Variants in BRIP1 observed in about 807,000 individuals in gnomAD.
The protein encoded by BRIP1 is BRCA1 interacting DNA helicase 1.
A neutral mutation model predicts 119.7 loss-of-function variants in BRIP1; 88 were observed. The observed-to-expected ratio is 0.74, with a 90% CI of 0.62 to 0.88. The LOEUF (loss-of-function observed/expected upper bound fraction) is 0.88, where lower values mean the gene tolerates loss of function less well. Among genes scored for constraint, BRIP1 ranks in the 40% least tolerant of loss-of-function variants. The pLI is 0.00. For synonymous variants in BRIP1, 443 were observed against 496.5 expected, an observed-to-expected ratio of 0.89 and a Z score of 1.43; for missense variants, 1,259 against 1,455.4, an observed-to-expected ratio of 0.87 and a Z score of 2.20.
In BRIP1 at chr17:61,682,477, T is replaced by C. The variant is rs2061282944; in HGVS notation, c.*819A>G. On this transcript the variant is annotated 3_prime_UTR_variant, in exon 20 of 20. Transcript: ENST00000259008. The surrounding 1 kb of genome is among the most constrained non-coding windows in gnomAD (Gnocchi z 4.9). The stretch of plus-strand genomic sequence containing the variant: ...TATGACATGTTTGGTTTTAGGTTTA[T>C]TATACAAAGAATGTAAAACAATTTC... 9.9e-6 allele frequency: 2 copies of C among 202,526 alleles called. No individual in the cohort carries two copies. The highest frequency in any genetic ancestry group is 1.2e-4 in the Admixed American group (2 of 16,720). The allele number at this position is 202,526 out of a possible 1,614,324, so 12.5% of individuals were successfully genotyped here.
rs1157305077 is a variant in BRIP1 at position 61,691,181 on chromosome 17, C to G, written c.2575+2249G>C. ...AGCACACTAACATGGGACATGTATA[C>G]ATATGTAACAAACCTGCACGTTGTG... On this transcript the variant is annotated intron_variant, in intron 18 of 19. Transcript: ENST00000259008. This position sits in a 1 kb window ranked among gnomAD's most constrained non-coding sequence, Gnocchi z 5.0. Among the ~76,000 whole-genome samples, 1 of 151,856 alleles carries G rather than the reference C, an allele frequency of 6.6e-6. No homozygotes were observed. Among genetic ancestry groups the G allele is most frequent in the Non-Finnish European group, 1.5e-5 (1 of 67,992 alleles).
intron 11 of BRIP1, among the ~76,000 whole-genome samples, chr17:61,782,388 G>GAAAA (rs10661242): frequency 8.9e-5 from 10 of 112,962 alleles, no homozygotes; most frequent in South Asian, 3.0e-4. Flanking sequence ...TCCCGTCTCA[G>GAAAA]AAAAAAAAAA....
rs2076951059 is a variant in BRIP1 at position 61,738,756 on chromosome 17, T to C, written c.2379+4257A>G. ...AATTTTAAGAATTTTTGGAAAATAA[T>C]GAAGAATAACATAATAAATACCTGC... is the stretch of plus-strand genomic sequence containing the variant. On this transcript the variant is annotated intron_variant, in intron 16 of 19. Coordinates refer to ENST00000259008, the MANE Select transcript of BRIP1 (RefSeq NM_032043.3). The surrounding 1 kb of genome is among the most constrained non-coding windows in gnomAD (Gnocchi z 4.2). Among the ~76,000 whole-genome samples the C allele has an allele frequency of 6.6e-6, 1 of 152,230 alleles. No individual in the cohort carries two copies. The highest frequency in any genetic ancestry group is 2.4e-5 in the African/African-American group (1 of 41,466).
At chr17:61,811,937 G>A (rs1301377622) in intron 6 of BRIP1, among the ~76,000 whole-genome samples, 1 of 152,038 alleles carries the variant, frequency 6.6e-6, no homozygotes, top group African/African-American at 2.4e-5. Flanking sequence ...GGGTGACAGA[G>A]CAAGATTCCA....
chr17:61,691,303 ATACC>A lies in BRIP1; in HGVS notation c.2575+2123_2575+2126del, dbSNP rs1034422694. Among the ~76,000 whole-genome samples the A allele has an allele frequency of 1.3e-5, 2 of 152,148 alleles. No homozygotes were observed. Among genetic ancestry groups the A allele is most frequent in the African/African-American group, 4.8e-5 (2 of 41,448 alleles). On this transcript the variant is annotated intron_variant, in intron 18 of 19. Coordinates refer to ENST00000259008, the MANE Select transcript of BRIP1 (RefSeq NM_032043.3). The surrounding 1 kb of genome is among the most constrained non-coding windows in gnomAD (Gnocchi z 5.0). ...AAAAAATAGCATCAAAAATAATAAA[ATACC>A]TAGGAATAAACAACTAAGGAGGCAA...
At position 61,789,078 on chromosome 17, in the gene BRIP1, G is replaced by C. The variant is rs2077776580; in HGVS notation, c.1473+4519C>G. ...CCACTGCACTCCAGCCTGGTTAACA[G>C]AGTGAGATTCTGTCTCAAAATAAAT... On this transcript the variant is annotated intron_variant, in intron 10 of 19. Transcript: ENST00000259008. The surrounding 1 kb of genome is among the most constrained non-coding windows in gnomAD (Gnocchi z 4.8). 6.6e-6 allele frequency among the ~76,000 whole-genome samples: 1 copy of C among 152,006 alleles called. No homozygotes were observed. The highest frequency in any genetic ancestry group is 2.4e-5 in the African/African-American group (1 of 41,390).
intron 17 of BRIP1, among the ~76,000 whole-genome samples, chr17:61,698,271 C>T (rs1302598642): frequency 4.6e-5 from 7 of 152,136 alleles, no homozygotes; most frequent in Non-Finnish European, 8.8e-5. Flanking sequence ...CATTGAATTT[C>T]CATGTATTTG....
chr17:61,797,304 TA>T (rs149258774), intron 9 of BRIP1, among the ~76,000 whole-genome samples: 2,035 of 150,048 alleles, frequency 0.014, 38 homozygotes, highest in African/African-American at 0.044. Context: ...AAAGAAATGA[TA>T]AAAAAAAATG....
At chr17:61,716,378 A>T (rs2061863258) in intron 16 of BRIP1, among the ~76,000 whole-genome samples, 1 of 152,064 alleles carries the variant, frequency 6.6e-6, no homozygotes, top group African/African-American at 2.4e-5. Flanking sequence ...CACCATCATA[A>T]TATAGAACAT....
At chr17:61,765,384 TATATATA>T (rs2077342581) in intron 14 of BRIP1, among the ~76,000 whole-genome samples, 2 of 21,978 alleles carry the variant, frequency 9.1e-5, no homozygotes, top group Non-Finnish European at 1.6e-4. Flanking sequence ...ATATATTATA[TATATATA>T]TATATATATA....
At chr17:61,702,265 G>A (rs2061626800) in intron 17 of BRIP1, among the ~76,000 whole-genome samples, 1 of 150,670 alleles carries the variant, frequency 6.6e-6, no homozygotes, top group African/African-American at 2.5e-5. Context: ...TGTTGTTGTT[G>A]TTGTTTTAAC....
At chr17:61,715,864 T>C in intron 17 of BRIP1, 87 bp downstream of exon 17, 3 of 849,750 alleles carry the variant, frequency 3.5e-6, no homozygotes, top group Non-Finnish European at 3.6e-6. Context: ...TTTTACCAAG[T>C]TTATTATAAA....
intron 6 of BRIP1, among the ~76,000 whole-genome samples, chr17:61,839,398 GT>G (rs950615407): frequency 2.7e-5 from 4 of 150,420 alleles, no homozygotes; most frequent in African/African-American, 4.9e-5. Context: ...GTATTTTTGG[GT>G]TTTTTTTTCC....
At chr17:61,707,992 G>A (rs531931983) in intron 17 of BRIP1, among the ~76,000 whole-genome samples, 240 of 152,036 alleles carry the variant, frequency 1.6e-3, no homozygotes, top group Middle Eastern at 6.8e-3. Context: ...GATTACAGGC[G>A]TGCGCCACCA....
At position 61,804,039 on chromosome 17, in the gene BRIP1, A is replaced by G. The variant is rs2078035303; in HGVS notation, c.919-2565T>C. Among the ~76,000 whole-genome samples, 4 of 152,172 alleles carry G rather than the reference A, an allele frequency of 2.6e-5. No homozygotes were observed. The highest frequency in any genetic ancestry group is 2.6e-4 in the Admixed American group (4 of 15,274). On this transcript the variant is annotated intron_variant, in intron 7 of 19. Coordinates refer to ENST00000259008, the MANE Select transcript of BRIP1 (RefSeq NM_032043.3). The surrounding 1 kb of genome is among the most constrained non-coding windows in gnomAD (Gnocchi z 4.5). ...GTGTATAGAATGATTAAATTCATGT[A>G]AATTGCTTTTTTAAAGAATATGTGC...
At chr17:61,858,082 A>G (rs190267244) in intron 3 of BRIP1, among the ~76,000 whole-genome samples, 27 of 152,276 alleles carry the variant, frequency 1.8e-4, no homozygotes, top group African/African-American at 6.3e-4. Context: ...CAAATCAATA[A>G]AATAGGTAAT....
Position 61,848,794 on chromosome 17 carries a change from G to A in BRIP1, c.507+335C>T, listed in dbSNP as rs1340920289. On this transcript the variant is annotated intron_variant, in intron 5 of 19. Coordinates refer to ENST00000259008, the MANE Select transcript of BRIP1 (RefSeq NM_032043.3). This position sits in a 1 kb window ranked among gnomAD's most constrained non-coding sequence, Gnocchi z 4.3. ...CATATCAAAGGTATTTTAGCCAAAA[G>A]GAAATGCTATTTTAAGATAAAAACA... is the stretch of plus-strand genomic sequence containing the variant. Among the ~76,000 whole-genome samples, 1 of 151,990 alleles carries A rather than the reference G, an allele frequency of 6.6e-6. No homozygotes were observed. The highest frequency in any genetic ancestry group is 1.5e-5 in the Non-Finnish European group (1 of 68,000).
rs1047650732 is a variant in BRIP1 at position 61,726,041 on chromosome 17, A to G, written c.2380-9978T>C. Among the ~76,000 whole-genome samples the G allele has an allele frequency of 1.3e-5, 2 of 152,226 alleles. No individual in the cohort carries two copies. The highest frequency in any genetic ancestry group is 4.8e-5 in the African/African-American group (2 of 41,458). Reference sequence around the variant, plus strand: ...TAAATTATCATCTCTAGAACATGCCACCATTCGTGTTATAGTTTATTTTGA... The same window carrying G: ...TAAATTATCATCTCTAGAACATGCCGCCATTCGTGTTATAGTTTATTTTGA... On this transcript the variant is annotated intron_variant, in intron 16 of 19. Transcript: ENST00000259008. The surrounding 1 kb of genome is among the most constrained non-coding windows in gnomAD (Gnocchi z 6.2).
rs1362229188 is a variant in BRIP1 at position 61,767,037 on chromosome 17, G to T, written c.2097+9364C>A. ...TAGTGGAAGAATGGCATTCCTCCTA[G>T]TTACCATAAACTATTGGTCTGAAAG... is the stretch of plus-strand genomic sequence containing the variant. On this transcript the variant is annotated intron_variant, in intron 14 of 19. Coordinates refer to ENST00000259008, the MANE Select transcript of BRIP1 (RefSeq NM_032043.3). The surrounding 1 kb of genome is among the most constrained non-coding windows in gnomAD (Gnocchi z 5.7). Among the ~76,000 whole-genome samples, 1 of 152,042 alleles carries T rather than the reference G, an allele frequency of 6.6e-6. No individual in the cohort carries two copies. The highest frequency in any genetic ancestry group is 1.9e-4 in the East Asian group (1 of 5,184).
Sources: gnomAD v4.1 joint callset for allele counts (sites outside exome capture counted in the v4.1 genomes callset) on GRCh38, gnomAD v4.1.1 for gene constraint, Gnocchi (gnomAD v3.1) non-coding constraint, MANE v1.5 for transcripts, NCBI Gene and HGNC (gene_info 2026-07-23, HGNC 2026-07-21) for gene names.